The following ZBTB20 variants were observed in gnomAD, a reference collection of about 807,000 sequenced individuals.
ZBTB20 encodes zinc finger and BTB domain-containing protein 20.
Under a neutral mutation model 56.9 loss-of-function variants are expected in ZBTB20, and 9 were observed. The ratio of observed to expected loss-of-function variants is 0.16; its 90% CI spans 0.10 to 0.28. The LOEUF (loss-of-function observed/expected upper bound fraction) is 0.28. ZBTB20 is among the 10% of genes least tolerant of loss of function. The pLI, the probability that ZBTB20 is intolerant of heterozygous loss-of-function variation, is 1.00. For missense variants in ZBTB20, 655 were observed against 1,003.0 expected (o/e 0.65, Z 4.69); for synonymous variants, 417 against 420.7 (o/e 0.99, Z 0.11).
chr3:114,815,758 T>C (rs1185261739), intron 4 of ZBTB20, among the ~76,000 whole-genome samples: 1 of 152,100 alleles, frequency 6.6e-6, no homozygotes, highest in Non-Finnish European at 1.5e-5. Context: ...CACGACCGGC[T>C]ACTACATAAA....
At chr3:114,621,138 G>A (rs1315618609) in intron 6 of ZBTB20, among the ~76,000 whole-genome samples, 1 of 151,958 alleles carries the variant, frequency 6.6e-6, no homozygotes, top group Admixed American at 6.6e-5. Context: ...TATATATATA[G>A]CAATTAATAT....
At chr3:114,577,298 T>TGAA (rs2054184896) in intron 6 of ZBTB20, among the ~76,000 whole-genome samples, 1 of 152,026 alleles carries the variant, frequency 6.6e-6, no homozygotes, top group Non-Finnish European at 1.5e-5. Flanking sequence ...ATGGTGCTGA[T>TGAA]AGATTTTCTC....
intron 5 of ZBTB20, among the ~76,000 whole-genome samples, chr3:114,738,149 G>A (rs1045539861): frequency 6.6e-6 from 1 of 151,236 alleles, no homozygotes. Context: ...TTCTTTATTT[G>A]CTATGATTAA....
intron 5 of ZBTB20, among the ~76,000 whole-genome samples, chr3:114,758,437 T>C (rs1304298600): frequency 6.6e-6 from 1 of 152,148 alleles, no homozygotes; most frequent in Non-Finnish European, 1.5e-5. Flanking sequence ...AATGTCCCTT[T>C]AGAAATTCTC....
chr3:114,570,740 T>A (rs898501779), intron 6 of ZBTB20, among the ~76,000 whole-genome samples: 5 of 152,182 alleles, frequency 3.3e-5, no homozygotes, highest in Non-Finnish European at 5.9e-5. Flanking sequence ...TTGCATTACA[T>A]ATAGTACAAT....
At chr3:115,062,119 T>A (rs1212790034) in intron 2 of ZBTB20, among the ~76,000 whole-genome samples, 1 of 152,204 alleles carries the variant, frequency 6.6e-6, no homozygotes, top group East Asian at 1.9e-4. Flanking sequence ...ACTCCTATTA[T>A]GCCAGTTACC....
At chr3:114,540,691 C>A (rs1251318904) in intron 6 of ZBTB20, among the ~76,000 whole-genome samples, 1 of 152,094 alleles carries the variant, frequency 6.6e-6, no homozygotes, top group Non-Finnish European at 1.5e-5. Context: ...AGCTTAAGTA[C>A]CTAATTATTA....
Position 115,025,462 on chromosome 3 carries a change from T to C in ZBTB20, c.-507+45757A>G, listed in dbSNP as rs893459443. On this transcript the variant is annotated intron_variant, in intron 2 of 11. Coordinates refer to ENST00000675478, the MANE Select transcript of ZBTB20 (RefSeq NM_001348800.3). ...GATTTATATTCCTTTAGGTATATTC[T>C]TTGATATTATTATGAAGATTCACAT... 2.6e-5 allele frequency among the ~76,000 whole-genome samples: 4 copies of C among 151,148 alleles called. No individual in the cohort carries two copies. The Admixed American group carries it at 2.7e-4, about 10-fold the overall frequency.
At chr3:114,394,893 C>G (rs1166424473) in intron 7 of ZBTB20, among the ~76,000 whole-genome samples, 2 of 151,982 alleles carry the variant, frequency 1.3e-5, no homozygotes, top group African/African-American at 2.4e-5. Flanking sequence ...TTTAGATCCC[C>G]AAGGGTTTTC....
At chr3:114,660,135 T>C (rs1238995444) in intron 6 of ZBTB20, among the ~76,000 whole-genome samples, 1 of 152,146 alleles carries the variant, frequency 6.6e-6, no homozygotes, top group Non-Finnish European at 1.5e-5. Flanking sequence ...AATAAAGAAC[T>C]CCAACTTATA....
chr3:114,398,843 C>A (rs990067097), intron 7 of ZBTB20, among the ~76,000 whole-genome samples: 4 of 152,154 alleles, frequency 2.6e-5, no homozygotes, highest in African/African-American at 7.2e-5. Context: ...TCTGCTACTG[C>A]CTTCTAGTCA....
At chr3:114,501,939 C>G (rs2044039204) in intron 6 of ZBTB20, among the ~76,000 whole-genome samples, 1 of 151,968 alleles carries the variant, frequency 6.6e-6, no homozygotes, top group Non-Finnish European at 1.5e-5. Flanking sequence ...AACTCCTGAA[C>G]TCAGGTGATC....
chr3:114,568,058 C>T (rs1169187453), intron 6 of ZBTB20, among the ~76,000 whole-genome samples: 1 of 152,198 alleles, frequency 6.6e-6, no homozygotes, highest in South Asian at 2.1e-4. Context: ...GAGGTTAAGT[C>T]CAAGTCCTTC....
rs544190894 is a variant in ZBTB20 at position 114,352,012 on chromosome 3, A to G, written c.200-134T>C. 6.2e-6 allele frequency: 7 copies of G among 1,132,234 alleles called. No individual in the cohort carries two copies. The African/African-American group carries it at 9.3e-5, about 15-fold the overall frequency. 70.1% of individuals were successfully genotyped at this position (1,132,234 alleles called of 1,614,324 possible). On this transcript the variant is annotated intron_variant, in intron 10 of 11. Coordinates refer to ENST00000675478, the MANE Select transcript of ZBTB20 (RefSeq NM_001348800.3). ...TGCCCTTACATACGCAAGTGGGGAG[A>G]TGGACAGGCTGCGGCATACAAGCTG... is the stretch of plus-strand genomic sequence containing the variant.
At chr3:114,478,146 A>G (rs948408811) in intron 7 of ZBTB20, among the ~76,000 whole-genome samples, 1 of 151,744 alleles carries the variant, frequency 6.6e-6, no homozygotes, top group African/African-American at 2.4e-5. Context: ...TTGTATTCTT[A>G]GTAGAGACAG....
chr3:114,719,323 C>A (rs1046457931), intron 5 of ZBTB20, among the ~76,000 whole-genome samples: 1 of 151,934 alleles, frequency 6.6e-6, no homozygotes, highest in Non-Finnish European at 1.5e-5. Context: ...TTGATAATGG[C>A]CACAGGAATT....
chr3:114,873,180 G>A (rs1385114703), intron 4 of ZBTB20: 1 of 152,098 alleles, frequency 6.6e-6, no homozygotes, highest in Admixed American at 6.6e-5. Flanking sequence ...CTGTGTGAGT[G>A]AGCTCCACGA....
chr3:114,954,010 CT>C (rs1260247107), intron 3 of ZBTB20, among the ~76,000 whole-genome samples: 1 of 152,016 alleles, frequency 6.6e-6, no homozygotes, highest in Non-Finnish European at 1.5e-5. Flanking sequence ...AGGCAGAAAG[CT>C]GAGAATGGGG....
chr3:114,632,551 T>G (rs1207906946), intron 6 of ZBTB20, among the ~76,000 whole-genome samples: 2 of 152,214 alleles, frequency 1.3e-5, no homozygotes, highest in Non-Finnish European at 2.9e-5. Context: ...TCAGCCTTCC[T>G]GGGGTCTGCA....
Sources: gnomAD v4.1 joint callset for allele counts (sites outside exome capture counted in the v4.1 genomes callset) on GRCh38, gnomAD v4.1.1 for gene constraint, MANE v1.5 for transcripts, NCBI Gene and HGNC (gene_info 2026-07-23, HGNC 2026-07-21) for gene names.